KCNMB2: variants seen among roughly 807,000 people sequenced by gnomAD.
The protein encoded by KCNMB2 is calcium-activated potassium channel subunit beta-2.
Under a neutral mutation model 24.5 loss-of-function variants are expected in KCNMB2, and 9 were observed. That is an observed-to-expected ratio of 0.37 (90% CI 0.22 to 0.64). KCNMB2 has a LOEUF of 0.64. Among genes scored for constraint, KCNMB2 ranks in the 30% least tolerant of loss-of-function variants. KCNMB2 has a pLI of 0.63. For synonymous variants in KCNMB2, 109 were observed against 104.4 expected (o/e 1.04, Z -0.27); for missense variants, 226 against 284.3 (o/e 0.79, Z 1.47).
At chr3:178,718,285 T>C (rs1722684198) in intron 1 of KCNMB2, among the ~76,000 whole-genome samples, 1 of 152,232 alleles carries the variant, frequency 6.6e-6, no homozygotes, top group African/African-American at 2.4e-5. Flanking sequence ...CTAGCAGGTG[T>C]TACGTTCCAT....
At chr3:178,641,146 GTTC>G (rs1254654754) in intron 1 of KCNMB2, among the ~76,000 whole-genome samples, 2 of 151,928 alleles carry the variant, frequency 1.3e-5, no homozygotes, top group Non-Finnish European at 2.9e-5. Flanking sequence ...CTCTAACTTT[GTTC>G]TTCTTCAGTA....
intron 1 of KCNMB2, among the ~76,000 whole-genome samples, chr3:178,649,155 T>A (rs1720019740): frequency 6.6e-6 from 1 of 152,210 alleles, no homozygotes; most frequent in African/African-American, 2.4e-5. Context: ...TAGTTTTTCA[T>A]CTTCTGATAA....
chr3:178,843,702 T>C lies in KCNMB2; in HGVS notation c.*765T>C, dbSNP rs560914194. The C allele has an allele frequency of 1.3e-5, 2 of 152,440 alleles. No individual in the cohort carries two copies. Among genetic ancestry groups the C allele is most frequent in the Admixed American group, 6.5e-5 (1 of 15,288 alleles). 9.4% of individuals were successfully genotyped at this position (152,440 alleles called of 1,614,324 possible). On this transcript the variant is annotated 3_prime_UTR_variant, in exon 5 of 5. Transcript: ENST00000452583. ...GACTGAATGTTGGTAGGTGCTCCAT[T>C]ACAATCCAGGAAAGTCTGTGTTACT...
chr3:178,817,050 A>T (rs763840231), intron 2 of KCNMB2, among the ~76,000 whole-genome samples: 1 of 152,040 alleles, frequency 6.6e-6, no homozygotes. Context: ...AGGCAGGACT[A>T]AAAAGAATAA....
At chr3:178,537,334 TTTTCGACTA>T (rs1244516595) in intron 1 of KCNMB2, 12 of 152,110 alleles carry the variant, frequency 7.9e-5, no homozygotes, top group Admixed American at 6.5e-4. Context: ...AGAGTAAGAG[TTTTCGACTA>T]AAAGAAGGGG....
At chr3:178,769,322 T>C (rs1335446940) in intron 1 of KCNMB2, among the ~76,000 whole-genome samples, 2 of 152,208 alleles carry the variant, frequency 1.3e-5, no homozygotes, top group African/African-American at 2.4e-5. Context: ...TCATGTCTTA[T>C]GGTTAGTGCC....
At chr3:178,733,460 G>A (rs1174710966) in intron 1 of KCNMB2, among the ~76,000 whole-genome samples, 1 of 151,912 alleles carries the variant, frequency 6.6e-6, no homozygotes, top group African/African-American at 2.4e-5. Context: ...GATATAATCT[G>A]ATTTAAATTT....
intron 1 of KCNMB2, among the ~76,000 whole-genome samples, chr3:178,626,575 C>T (rs1439815486): frequency 1.3e-5 from 2 of 152,066 alleles, no homozygotes; most frequent in Non-Finnish European, 2.9e-5. Flanking sequence ...TCCTTCTTCA[C>T]AAGGCAGCAG....
intron 1 of KCNMB2, among the ~76,000 whole-genome samples, chr3:178,613,634 A>G (rs1233521243): frequency 6.6e-6 from 1 of 152,156 alleles, no homozygotes; most frequent in African/African-American, 2.4e-5. Context: ...AGCAGTTTAA[A>G]TATGTCATGC....
At chr3:178,611,531 C>T (rs920120581) in intron 1 of KCNMB2, among the ~76,000 whole-genome samples, 5 of 152,172 alleles carry the variant, frequency 3.3e-5, no homozygotes, top group East Asian at 1.9e-4. Context: ...GATGAAACCC[C>T]GTCTCTACTA....
chr3:178,589,691 C>T (rs975065616), intron 1 of KCNMB2, among the ~76,000 whole-genome samples: 20 of 152,092 alleles, frequency 1.3e-4, no homozygotes, highest in African/African-American at 4.8e-4. Flanking sequence ...GTGTTGCCTA[C>T]GCTGGTCTCA....
At chr3:178,602,693 G>A (rs878966376) in intron 1 of KCNMB2, among the ~76,000 whole-genome samples, 2 of 152,212 alleles carry the variant, frequency 1.3e-5, no homozygotes, top group Admixed American at 1.3e-4. Context: ...AGGAGGCAGG[G>A]TGAGTAAAGG....
intron 1 of KCNMB2, among the ~76,000 whole-genome samples, chr3:178,628,085 T>G (rs968822247): frequency 3.9e-5 from 6 of 152,214 alleles, no homozygotes; most frequent in Admixed American, 1.3e-4. Flanking sequence ...TTTTTAACAG[T>G]TTCAAAATAT....
chr3:178,654,670 T>C (rs1720256260), intron 1 of KCNMB2, among the ~76,000 whole-genome samples: 1 of 152,198 alleles, frequency 6.6e-6, no homozygotes, highest in Non-Finnish European at 1.5e-5. Context: ...GGGATTTTTA[T>C]GTGTTTGCTT....
rs1181636386 is a variant in KCNMB2, at chr3:178,747,834, C to T, written c.-67-59509C>T. ...ATCCAGTTCATCTTTTTATGATAAA[C>T]CTCCTCAAAGTTAGCTAGTTCACCT... On this transcript the variant is annotated intron_variant, in intron 1 of 4. Coordinates refer to ENST00000452583, the MANE Select transcript of KCNMB2 (RefSeq NM_181361.3). 2.6e-5 allele frequency among the ~76,000 whole-genome samples: 4 copies of T among 152,172 alleles called. 1 individual carries two copies. The highest frequency in any genetic ancestry group is 9.7e-5 in the African/African-American group (4 of 41,428).
chr3:178,635,263 T>C (rs1209336417), intron 1 of KCNMB2, among the ~76,000 whole-genome samples: 1 of 152,146 alleles, frequency 6.6e-6, no homozygotes, highest in African/African-American at 2.4e-5. Flanking sequence ...CCAGCACCAT[T>C]TGGATACAAA....
intron 1 of KCNMB2, among the ~76,000 whole-genome samples, chr3:178,576,000 C>T (rs1455608691): frequency 1.3e-5 from 2 of 151,992 alleles, no homozygotes; most frequent in African/African-American, 4.8e-5. Flanking sequence ...TCAGTCCTGC[C>T]ACCTTTCCTA....
chr3:178,760,146 GAGGATATATCTATATATATAT>G (rs1711745532), intron 1 of KCNMB2, among the ~76,000 whole-genome samples: 1 of 28,308 alleles, frequency 3.5e-5, no homozygotes, highest in African/African-American at 2.0e-4. Context: ...ATATATCCAA[GAGGATATATCTATATATATAT>G]ATATATCCAA....
At chr3:178,811,038 C>G (rs913681216) in intron 2 of KCNMB2, among the ~76,000 whole-genome samples, 4 of 151,858 alleles carry the variant, frequency 2.6e-5, no homozygotes, top group Non-Finnish European at 4.4e-5. Context: ...AGGCGTGGGC[C>G]ACCACACCCG....
Sources: gnomAD v4.1 joint callset for allele counts (sites outside exome capture counted in the v4.1 genomes callset) on GRCh38, gnomAD v4.1.1 for gene constraint, MANE v1.5 for transcripts, NCBI Gene and HGNC (gene_info 2026-07-23, HGNC 2026-07-21) for gene names.